Variants in LYL1 observed in about 807,000 individuals in gnomAD.
LYL1 encodes the protein LYL1 basic helix-loop-helix family member.
Under a neutral mutation model 11.1 loss-of-function variants are expected in LYL1, and 4 were observed. The ratio of observed to expected loss-of-function variants is 0.36; its 90% confidence interval spans 0.18 to 0.82. LYL1 has a LOEUF of 0.82. Among genes scored for constraint, LYL1 ranks in the 40% least tolerant of loss-of-function variants. LYL1 has a pLI of 0.49. For synonymous variants in LYL1, 179 were observed against 174.8 expected (o/e 1.02, Z -0.19); for missense variants, 356 against 397.6 (o/e 0.90, Z 0.89).
Position 13,099,317 on chromosome 19 carries a change from G to A in LYL1, c.*2C>T. On this transcript the variant is annotated 3_prime_UTR_variant, in exon 4 of 4. Transcript: ENST00000264824. This position sits in a 1 kb window ranked among gnomAD's most constrained non-coding sequence, Gnocchi z 5.3. ...CCGGCTCAGAGGTGCTGCCGCGTGC[G>A]GTCACCGCACCTCTGGGCTCAAAGC... The A allele has an allele frequency of 1.6e-6, 2 of 1,273,176 alleles. No individual in the cohort carries two copies. The highest frequency in any genetic ancestry group is 3.0e-5 in the East Asian group (1 of 33,834). The allele number at this position is 1,273,176 out of a possible 1,614,324, so 78.9% of individuals were successfully genotyped here.
rs781409416 is a variant in LYL1 at position 13,100,651 on chromosome 19, A to G, written c.427+6T>C. 8.1e-6 allele frequency: 13 copies of G among 1,613,638 alleles called. No homozygotes were observed. Among genetic ancestry groups the G allele is most frequent in the Non-Finnish European group, 1.0e-5 (12 of 1,179,872 alleles). ...AAACCCACAAGGCACACAAACCCACACTCACCCTCAGCCAGGTCCAGCTCA... is the reference window on the plus strand; with the variant it reads ...AAACCCACAAGGCACACAAACCCACGCTCACCCTCAGCCAGGTCCAGCTCA... On this transcript the variant is annotated splice_donor_region_variant and intron_variant, in intron 3 of 3. Coordinates refer to ENST00000264824, the MANE Select transcript of LYL1 (RefSeq NM_005583.5).
chr19:13,101,384 A>G lies in LYL1; in HGVS notation c.-24-189T>C, dbSNP rs183780228. On this transcript the variant is annotated intron_variant, in intron 1 of 3. Coordinates refer to ENST00000264824, the MANE Select transcript of LYL1 (RefSeq NM_005583.5). This position sits in a 1 kb window ranked among gnomAD's most constrained non-coding sequence, Gnocchi z 5.1. Reference sequence around the variant, plus strand: ...TTCCAGGACACGGGAGGGGGGTCCTACGTTAGAGTAGGAGGCGCCCCCCAG... The same window carrying G: ...TTCCAGGACACGGGAGGGGGGTCCTGCGTTAGAGTAGGAGGCGCCCCCCAG... 4 of 413,440 alleles carry G rather than the reference A, an allele frequency of 9.7e-6. No individual in the cohort carries two copies. The highest frequency in any genetic ancestry group is 2.1e-5 in the African/African-American group (1 of 48,758). 25.6% of individuals were successfully genotyped at this position (413,440 alleles called of 1,614,324 possible).
rs1485951948 is a variant in LYL1, at chr19:13,101,000, G to A, written c.172C>T (p.Pro58Ser). The A allele has an allele frequency of 4.1e-6, 6 of 1,476,524 alleles. No homozygotes were observed. In the African/African-American group the frequency reaches 4.2e-5, roughly 10 times the overall value. The allele number at this position is 1,476,524 out of a possible 1,614,324, so 91.5% of individuals were successfully genotyped here. A position where few individuals can be genotyped will look rare whatever the true frequency, so the allele number is the denominator to read the frequency against. ...CCCAGGCTGATCACTGGTACACCAGGTGGCAGCCTGGGGGGCGAGGAGCCT... is the reference window on the plus strand; with the variant it reads ...CCCAGGCTGATCACTGGTACACCAGATGGCAGCCTGGGGGGCGAGGAGCCT... ...RGGSSPPRLP[P>S]GVPVISLGHS... The change falls in exon 2 of 4, where the codon CCT (proline) becomes TCT (serine). Residue 58 changes from proline to serine, a missense_variant. Physicochemically the swap from Pro to Ser is moderately conservative, Grantham distance 74. Transcript: ENST00000264824.
In LYL1 at chr19:13,101,296, G is replaced by T; in HGVS notation, c.-24-101C>A. 1 of 448,580 alleles carries T rather than the reference G, an allele frequency of 2.2e-6. No individual in the cohort carries two copies. The highest frequency in any genetic ancestry group is 5.8e-5 in the South Asian group (1 of 17,174). 27.8% of individuals were successfully genotyped at this position (448,580 alleles called of 1,614,324 possible). A position where few individuals can be genotyped will look rare whatever the true frequency, so the allele number is the denominator to read the frequency against. On this transcript the variant is annotated intron_variant, in intron 1 of 3. Coordinates refer to ENST00000264824, the MANE Select transcript of LYL1 (RefSeq NM_005583.5). This position sits in a 1 kb window ranked among gnomAD's most constrained non-coding sequence, Gnocchi z 5.1. ...CAAATGGGAAGGAGGGAGGGGGAGGGGGAAAGGAGGAGGAGAGAAGTTTCA... is the reference window on the plus strand; with the variant it reads ...CAAATGGGAAGGAGGGAGGGGGAGGTGGAAAGGAGGAGGAGAGAAGTTTCA...
At position 13,101,379 on chromosome 19, in the gene LYL1, G is replaced by A; in HGVS notation, c.-24-184C>T. ...GAAACTTCCAGGACACGGGAGGGGG[G>A]TCCTACGTTAGAGTAGGAGGCGCCC... On this transcript the variant is annotated intron_variant, in intron 1 of 3. Coordinates refer to ENST00000264824, the MANE Select transcript of LYL1 (RefSeq NM_005583.5). The surrounding 1 kb of genome is among the most constrained non-coding windows in gnomAD (Gnocchi z 5.1). 2.4e-6 allele frequency: 1 copy of A among 412,164 alleles called. No homozygotes were observed. Among genetic ancestry groups the A allele is most frequent in the Non-Finnish European group, 4.3e-6 (1 of 233,378 alleles). 25.5% of individuals were successfully genotyped at this position (412,164 alleles called of 1,614,324 possible). A position where few individuals can be genotyped will look rare whatever the true frequency, so the allele number is the denominator to read the frequency against.
At position 13,100,679 on chromosome 19, in the gene LYL1, G is replaced by T. The variant is rs762291322; in HGVS notation, c.405C>A (p.His135Gln). ...PSSRLKRRPSHCELDLAEGHQ... is the reference protein window; with the variant it reads ...PSSRLKRRPSQCELDLAEGHQ... Reference sequence around the variant, plus strand: ...CACCCTCAGCCAGGTCCAGCTCACAGTGGCTTGGTCTCCGCTTCAACCGGC... The same window carrying T: ...CACCCTCAGCCAGGTCCAGCTCACATTGGCTTGGTCTCCGCTTCAACCGGC... The change falls in exon 3 of 4, where the codon CAC becomes CAA. Residue 135 changes from histidine to glutamine, a missense_variant. Physicochemically the swap from His to Gln is conservative, Grantham distance 24. Coordinates refer to ENST00000264824, the MANE Select transcript of LYL1 (RefSeq NM_005583.5). 6.2e-7 allele frequency: 1 copy of T among 1,614,226 alleles called. No individual in the cohort carries two copies. Among genetic ancestry groups the T allele is most frequent in the African/African-American group, 1.3e-5 (1 of 75,066 alleles).
At chr19:13,100,773 T>C in intron 2 of LYL1, 25 bp from the exon 3 acceptor site, 4 of 1,613,312 alleles carry the variant, frequency 2.5e-6, no homozygotes, top group Non-Finnish European at 3.4e-6. Context: ...GGGTCACTAA[T>C]GCCTTGTGGG....
rs151073349 is a variant in LYL1 at position 13,101,007 on chromosome 19, C to T, written c.165G>A (p.Arg55=). Residue 55 remains arginine, a synonymous_variant, in exon 2 of 4, where the codon AGG becomes AGA. Transcript: ENST00000264824. The surrounding 1 kb of genome is among the most constrained non-coding windows in gnomAD (Gnocchi z 5.1). ...TGATCACTGGTACACCAGGTGGCAGCCTGGGGGGCGAGGAGCCTCCTCGGT... is the reference window on the plus strand; with the variant it reads ...TGATCACTGGTACACCAGGTGGCAGTCTGGGGGGCGAGGAGCCTCCTCGGT... ...VGHRGGSSPP[R]LPPGVPVISL... is the part of the protein sequence containing the mutation. 50,477 of 1,473,926 alleles carry T rather than the reference C, an allele frequency of 0.034. 939 individuals are homozygous for T. The highest frequency in any genetic ancestry group is 0.061 in the Middle Eastern group (280 of 4,624). 91.3% of individuals were successfully genotyped at this position (1,473,926 alleles called of 1,614,324 possible). A position where few individuals can be genotyped will look rare whatever the true frequency, so the allele number is the denominator to read the frequency against.
rs971371161 is a variant in LYL1, at chr19:13,099,501, C to T, written c.661G>A (p.Gly221Arg). Residue 221 changes from glycine (G) to arginine (R), a missense_variant, in exon 4 of 4, where the codon GGG (glycine) becomes AGG (arginine). Physicochemically the swap from Gly to Arg is moderately radical, Grantham distance 125 (BLOSUM62 -2). Coordinates refer to ENST00000264824, the MANE Select transcript of LYL1 (RefSeq NM_005583.5). The surrounding 1 kb of genome is among the most constrained non-coding windows in gnomAD (Gnocchi z 5.3). ...AALAAGPTPP[G>R]PRKRPVHRVP... ...CGGTGCACCGGCCGTTTGCGAGGCC[C>T]GGGAGGGGTGGGGCCTGCGGCCAGA... 7.9e-6 allele frequency: 11 copies of T among 1,396,368 alleles called. No homozygotes were observed. Among genetic ancestry groups the T allele is most frequent in the African/African-American group, 3.0e-5 (2 of 66,860 alleles). The allele number at this position is 1,396,368 out of a possible 1,614,324, so 86.5% of individuals were successfully genotyped here.
In LYL1 at chr19:13,099,236, C is replaced by T. The variant is rs1366244291; in HGVS notation, c.*83G>A. On this transcript the variant is annotated 3_prime_UTR_variant, in exon 4 of 4. Coordinates refer to ENST00000264824, the MANE Select transcript of LYL1 (RefSeq NM_005583.5). This position sits in a 1 kb window ranked among gnomAD's most constrained non-coding sequence, Gnocchi z 5.3. ...TCGGGGGAGTTCGCTCCCGAACATG[C>T]GCAGCACGTCCACTGCCCTTTCCTT... is the stretch of plus-strand genomic sequence containing the variant. 1 of 1,178,702 alleles carries T rather than the reference C, an allele frequency of 8.5e-7. No individual in the cohort carries two copies. Among genetic ancestry groups the T allele is most frequent in the Non-Finnish European group, 1.1e-6 (1 of 940,448 alleles). 73.0% of individuals were successfully genotyped at this position (1,178,702 alleles called of 1,614,324 possible). A position where few individuals can be genotyped will look rare whatever the true frequency, so the allele number is the denominator to read the frequency against.
rs1310239770 is a variant in LYL1, at chr19:13,099,327, C to A, written c.835G>T (p.Val279Leu). The A allele has an allele frequency of 7.8e-6, 10 of 1,279,118 alleles. No homozygotes were observed. Among genetic ancestry groups the A allele is most frequent in the Non-Finnish European group, 9.9e-6 (10 of 1,011,456 alleles). 79.2% of individuals were successfully genotyped at this position (1,279,118 alleles called of 1,614,324 possible). A position where few individuals can be genotyped will look rare whatever the true frequency, so the allele number is the denominator to read the frequency against. The part of the protein sequence containing the change: ...KMEQTALSPE[V>L]R ...GGTGCTGCCGCGTGCGGTCACCGCA[C>A]CTCTGGGCTCAAAGCGGTTTGCTCC... The change falls in exon 4 of 4, where the codon GTG (valine) becomes TTG (leucine). Residue 279 changes from valine to leucine, a missense_variant. Transcript: ENST00000264824. This position sits in a 1 kb window ranked among gnomAD's most constrained non-coding sequence, Gnocchi z 5.3.
chr19:13,099,428 G>T lies in LYL1; in HGVS notation c.734C>A (p.Ala245Glu), dbSNP rs897103475. 8.0e-7 allele frequency: 1 copy of T among 1,245,566 alleles called. No individual in the cohort carries two copies. The highest frequency in any genetic ancestry group is 4.2e-5 in the Admixed American group (1 of 23,614). The allele number at this position is 1,245,566 out of a possible 1,614,324, so 77.2% of individuals were successfully genotyped here. The change falls in exon 4 of 4, where the codon GCG becomes GAG. Residue 245 changes from alanine (A) to glutamate (E), a missense_variant. Physicochemically the swap from Ala to Glu is moderately radical, Grantham distance 107. Transcript: ENST00000264824. The surrounding 1 kb of genome is among the most constrained non-coding windows in gnomAD (Gnocchi z 5.3). ...ARRGSGRRAE[A>E]AARSQPAPPA... is the part of the protein sequence containing the mutation. ...GGGCGCGGGCTGCGAGCGCGCTGCC[G>T]CCTCGGCCCTGCGTCCGGATCCCCG...
At position 13,100,817 on chromosome 19, in the gene LYL1, CA is replaced by C; in HGVS notation, c.335+19del. ...CTGGCCCCCAATCCCCACTGCCCCC[CA>C]CCCCAGATCCCCACTGACCTGTTGA... On this transcript the variant is annotated intron_variant, in intron 2 of 3. Coordinates refer to ENST00000264824, the MANE Select transcript of LYL1 (RefSeq NM_005583.5). The C allele has an allele frequency of 6.3e-7, 1 of 1,591,898 alleles. No homozygotes were observed. Among genetic ancestry groups the C allele is most frequent in the African/African-American group, 1.3e-5 (1 of 74,632 alleles).
chr19:13,100,999 G>A lies in LYL1; in HGVS notation c.173C>T (p.Pro58Leu), dbSNP rs751920976. Residue 58 changes from proline (P) to leucine (L), a missense_variant, in exon 2 of 4, where the codon CCT (proline) becomes CTT (leucine). Coordinates refer to ENST00000264824, the MANE Select transcript of LYL1 (RefSeq NM_005583.5). ...RGGSSPPRLPPGVPVISLGHS... is the reference protein window; with the variant it reads ...RGGSSPPRLPLGVPVISLGHS... ...GCCCAGGCTGATCACTGGTACACCAGGTGGCAGCCTGGGGGGCGAGGAGCC... is the reference window on the plus strand; with the variant it reads ...GCCCAGGCTGATCACTGGTACACCAAGTGGCAGCCTGGGGGGCGAGGAGCC... 5.4e-6 allele frequency: 8 copies of A among 1,477,360 alleles called. No homozygotes were observed. The highest frequency in any genetic ancestry group is 6.3e-6 in the Non-Finnish European group (7 of 1,114,648). 91.5% of individuals were successfully genotyped at this position (1,477,360 alleles called of 1,614,324 possible).
In LYL1 at chr19:13,099,577, G is replaced by T; in HGVS notation, c.585C>A (p.Ala195=). ...KLSKNEVLRL[A]MKYIGFLVRL... ...GCACCAGGAAGCCGATGTACTTCAT[G>T]GCTAGGCGGAGCACCTCGTTCTTGC... The change falls in exon 4 of 4, where the codon GCC becomes GCA. Residue 195 remains alanine, a synonymous_variant. Transcript: ENST00000264824. This position sits in a 1 kb window ranked among gnomAD's most constrained non-coding sequence, Gnocchi z 5.3. 5.2e-6 allele frequency: 8 copies of T among 1,550,774 alleles called. No individual in the cohort carries two copies. Among genetic ancestry groups the T allele is most frequent in the Non-Finnish European group, 7.0e-6 (8 of 1,148,122 alleles).
In LYL1 at chr19:13,101,896, C is replaced by T. The variant is rs537421141; in HGVS notation, c.-25+635G>A. 46 of 232,524 alleles carry T rather than the reference C, an allele frequency of 2.0e-4. No individual in the cohort carries two copies. Among genetic ancestry groups the T allele is most frequent in the South Asian group, 1.6e-3 (9 of 5,594 alleles). The allele number at this position is 232,524 out of a possible 1,614,324, so 14.4% of individuals were successfully genotyped here. ...ACCCCCAAACACTGACCCCACTGCC[C>T]AGTCCAGTCCAGTCATGCCCCAACC... On this transcript the variant is annotated intron_variant, in intron 1 of 3. Coordinates refer to ENST00000264824, the MANE Select transcript of LYL1 (RefSeq NM_005583.5). The surrounding 1 kb of genome is among the most constrained non-coding windows in gnomAD (Gnocchi z 5.1).
chr19:13,099,397 G>T lies in LYL1; in HGVS notation c.765C>A (p.Ala255=). ...AAARSQPAPP[A]DPDGSPGGAA... Reference sequence around the variant, plus strand: ...CTCCACCGGGGCTGCCGTCGGGGTCGGCCGGGGGCGCGGGCTGCGAGCGCG... The same window carrying T: ...CTCCACCGGGGCTGCCGTCGGGGTCTGCCGGGGGCGCGGGCTGCGAGCGCG... Residue 255 remains alanine (A), a synonymous_variant, in exon 4 of 4, where the codon GCC becomes GCA. Coordinates refer to ENST00000264824, the MANE Select transcript of LYL1 (RefSeq NM_005583.5). This position sits in a 1 kb window ranked among gnomAD's most constrained non-coding sequence, Gnocchi z 5.3. The T allele has an allele frequency of 1.6e-6, 2 of 1,245,856 alleles. No homozygotes were observed. The highest frequency in any genetic ancestry group is 1.0e-6 in the Non-Finnish European group (1 of 991,260). 77.2% of individuals were successfully genotyped at this position (1,245,856 alleles called of 1,614,324 possible). A position where few individuals can be genotyped will look rare whatever the true frequency, so the allele number is the denominator to read the frequency against.
At position 13,101,500 on chromosome 19, in the gene LYL1, T is replaced by C; in HGVS notation, c.-24-305A>G. The stretch of plus-strand genomic sequence containing the variant: ...GAGCAAATATTCCTTCTTCCAGAAT[T>C]CCCTCACCTCTGCAGCCTGGAGAGG... On this transcript the variant is annotated intron_variant, in intron 1 of 3. Coordinates refer to ENST00000264824, the MANE Select transcript of LYL1 (RefSeq NM_005583.5). The surrounding 1 kb of genome is among the most constrained non-coding windows in gnomAD (Gnocchi z 5.1). 1 of 310,806 alleles carries C rather than the reference T, an allele frequency of 3.2e-6. No individual in the cohort carries two copies. Among genetic ancestry groups the C allele is most frequent in the East Asian group, 4.9e-5 (1 of 20,298 alleles). 19.3% of individuals were successfully genotyped at this position (310,806 alleles called of 1,614,324 possible).
Position 13,101,029 on chromosome 19 carries a change from C to T in LYL1, c.143G>A (p.Arg48Gln), listed in dbSNP as rs117072928. ...CAGCCTGGGGGGCGAGGAGCCTCCT[C>T]GGTGGCCCACCTCCTCCACCTGCGG... Reference protein sequence around the residue: ...GPPQVEEVGHRGGSSPPRLPP... With the variant: ...GPPQVEEVGHQGGSSPPRLPP... Residue 48 changes from arginine (R) to glutamine (Q), a missense_variant, in exon 2 of 4, where the codon CGA becomes CAA. Physicochemically the swap from Arg to Gln is conservative, Grantham distance 43 (BLOSUM62 1). Transcript: ENST00000264824. The surrounding 1 kb of genome is among the most constrained non-coding windows in gnomAD (Gnocchi z 5.1). 70,673 of 1,477,908 alleles carry T rather than the reference C, an allele frequency of 0.048. 1,856 individuals are homozygous for T. Among genetic ancestry groups the T allele is most frequent in the Non-Finnish European group, 0.054 (60,541 of 1,115,644 alleles). 91.5% of individuals were successfully genotyped at this position (1,477,908 alleles called of 1,614,324 possible). A position where few individuals can be genotyped will look rare whatever the true frequency, so the allele number is the denominator to read the frequency against.
Sources: allele counts gnomAD v4.1 joint callset, GRCh38; gene constraint gnomAD v4.1.1; non-coding constraint Gnocchi (gnomAD v3.1); transcripts MANE v1.5; gene names NCBI Gene and HGNC (gene_info 2026-07-23, HGNC 2026-07-21).